FRMD4A: variants seen among roughly 807,000 people sequenced by gnomAD.
FRMD4A encodes FERM domain-containing protein 4A.
In FRMD4A, 29 loss-of-function variants were observed where a neutral mutation model predicts 129.1. The observed-to-expected ratio is 0.22, with a 90% CI of 0.17 to 0.31. The LOEUF is 0.31. Among genes scored for constraint, FRMD4A ranks in the 10% least tolerant of loss-of-function variants. The pLI, the probability that FRMD4A is intolerant of heterozygous loss-of-function variation, is 1.00. For missense variants in FRMD4A, 1,272 were observed against 1,375.8 expected (o/e 0.92, Z 1.19); for synonymous variants, 634 against 571.6 (o/e 1.11, Z -1.56).
intron 2 of FRMD4A, among the ~76,000 whole-genome samples, chr10:13,944,508 G>A (rs934689583): frequency 6.6e-6 from 1 of 152,040 alleles, no homozygotes; most frequent in African/African-American, 2.4e-5. Context: ...TAAATGTAAT[G>A]TGCTTAAATC....
chr10:14,095,352 T>G (rs989185519), intron 2 of FRMD4A, among the ~76,000 whole-genome samples: 4 of 152,208 alleles, frequency 2.6e-5, no homozygotes, highest in Non-Finnish European at 1.5e-5. Context: ...GCCATCACTT[T>G]CATGCTCAGA....
intron 2 of FRMD4A, among the ~76,000 whole-genome samples, chr10:14,189,230 A>T (rs61836076): frequency 0.25 from 38,600 of 152,046 alleles, 5,091 homozygotes; most frequent in Admixed American, 0.31. Context: ...AAATCCCAAT[A>T]GCAAAATGCC....
intron 2 of FRMD4A, among the ~76,000 whole-genome samples, chr10:14,014,545 C>T (rs1261863767): frequency 6.6e-6 from 1 of 152,174 alleles, no homozygotes; most frequent in Non-Finnish European, 1.5e-5. Context: ...CATGTCACGT[C>T]TCATTAGAGG....
intron 12 of FRMD4A, chr10:13,707,983 G>T: frequency 1.5e-6 from 1 of 682,626 alleles, no homozygotes; most frequent in Non-Finnish European, 1.8e-6. Flanking sequence ...GAAAAAGAAA[G>T]TTACTTTAAC....
At chr10:14,258,277 G>A (rs1431157144) in intron 2 of FRMD4A, among the ~76,000 whole-genome samples, 1 of 150,318 alleles carries the variant, frequency 6.7e-6, no homozygotes, top group African/African-American at 2.4e-5. Flanking sequence ...TCACAGACTG[G>A]GAGAAAATAT....
chr10:13,875,223 G>A (rs2094476695), intron 2 of FRMD4A, among the ~76,000 whole-genome samples: 1 of 152,224 alleles, frequency 6.6e-6, no homozygotes, highest in African/African-American at 2.4e-5. Flanking sequence ...AATCGTCTGA[G>A]TGAGGATGGC....
intron 2 of FRMD4A, among the ~76,000 whole-genome samples, chr10:13,914,054 T>G (rs2094972875): frequency 6.6e-6 from 1 of 152,076 alleles, no homozygotes; most frequent in Non-Finnish European, 1.5e-5. Context: ...GCAGCTGAGG[T>G]CAAAGCCCTG....
At chr10:13,683,730 T>G (rs1393434004) in intron 15 of FRMD4A, among the ~76,000 whole-genome samples, 18 of 151,860 alleles carry the variant, frequency 1.2e-4, no homozygotes, top group Admixed American at 1.0e-3. Flanking sequence ...TTTTTCTTTT[T>G]GAGACGGAGT....
chr10:13,891,653 G>A lies in FRMD4A; in HGVS notation c.46-32741C>T, dbSNP rs1388528098. The A allele has an allele frequency of 1.2e-5, 12 of 985,156 alleles. No homozygotes were observed. The South Asian group carries it at 5.2e-4, about 42-fold the overall frequency. 61.0% of individuals were successfully genotyped at this position (985,156 alleles called of 1,614,324 possible). A position where few individuals can be genotyped will look rare whatever the true frequency, so the allele number is the denominator to read the frequency against. ...TATTTTTTGCGCTTCCAAGGGATCC[G>A]AGGAACTTCTGGCTGCAAGCGGCTG... On this transcript the variant is annotated intron_variant, in intron 2 of 24. Transcript: ENST00000357447.
At chr10:13,715,816 G>A (rs2088726719) in intron 12 of FRMD4A, among the ~76,000 whole-genome samples, 1 of 149,814 alleles carries the variant, frequency 6.7e-6, no homozygotes, top group South Asian at 2.1e-4. Flanking sequence ...TGAGGAAGCA[G>A]AATTGCTTGA....
chr10:14,257,954 A>G lies in FRMD4A; in HGVS notation c.45+72104T>C, dbSNP rs146628446. Among the ~76,000 whole-genome samples, 346 of 152,340 alleles carry G rather than the reference A, an allele frequency of 2.3e-3. 1 individual carries two copies. The highest frequency in any genetic ancestry group is 3.2e-3 in the Non-Finnish European group (216 of 68,026). On this transcript the variant is annotated intron_variant, in intron 2 of 24. Transcript: ENST00000357447. ...AAAACTAATACAAGGTGCAATGGAGAAAGGAAATCTTTTTTATATATGCTG... is the reference window on the plus strand; with the variant it reads ...AAAACTAATACAAGGTGCAATGGAGGAAGGAAATCTTTTTTATATATGCTG...
intron 2 of FRMD4A, among the ~76,000 whole-genome samples, chr10:13,996,372 C>T (rs2095622509): frequency 6.6e-6 from 1 of 152,240 alleles, no homozygotes; most frequent in Non-Finnish European, 1.5e-5. Flanking sequence ...GCAAGGCTGT[C>T]ACTGCCCCTG....
intron 2 of FRMD4A, among the ~76,000 whole-genome samples, chr10:14,021,384 T>TA (rs5783378): frequency 3.4e-4 from 49 of 143,990 alleles, no homozygotes; most frequent in South Asian, 1.3e-3. Context: ...TCCACAAAAA[T>TA]AAAAAAAAAA....
intron 2 of FRMD4A, among the ~76,000 whole-genome samples, chr10:14,167,536 C>T (rs1050930920): frequency 3.5e-5 from 2 of 57,514 alleles, no homozygotes; most frequent in Non-Finnish European, 6.1e-5. Context: ...GACTCCGTCT[C>T]TCAAAAAAAA....
At chr10:13,661,559 T>G (rs538603287) in intron 19 of FRMD4A, among the ~76,000 whole-genome samples, 2 of 152,246 alleles carry the variant, frequency 1.3e-5, no homozygotes, top group African/African-American at 4.8e-5. Flanking sequence ...GAGTTGAGAT[T>G]TTGAAAAGCC....
chr10:14,049,583 T>G (rs1431535102), intron 2 of FRMD4A, among the ~76,000 whole-genome samples: 1 of 152,226 alleles, frequency 6.6e-6, no homozygotes, highest in East Asian at 1.9e-4. Flanking sequence ...GCAGTTGGAT[T>G]TTATCCGTTT....
At chr10:13,987,588 G>A (rs944267530) in intron 2 of FRMD4A, among the ~76,000 whole-genome samples, 1 of 152,168 alleles carries the variant, frequency 6.6e-6, no homozygotes, top group Non-Finnish European at 1.5e-5. Context: ...CTGGATGGGA[G>A]ACTAGAATAT....
chr10:14,032,257 A>G (rs540974641), intron 2 of FRMD4A, among the ~76,000 whole-genome samples: 1 of 152,264 alleles, frequency 6.6e-6, no homozygotes, highest in African/African-American at 2.4e-5. Context: ...CAAATAACAT[A>G]TATTACAATA....
At chr10:14,234,225 A>AAG (rs1491176757) in intron 2 of FRMD4A, among the ~76,000 whole-genome samples, 1 of 780 alleles carries the variant, frequency 1.3e-3, no homozygotes, top group East Asian at 0.5. Flanking sequence ...GAAGAAGAAG[A>AAG]AAAAAAAAAA....
Sources: allele counts gnomAD v4.1 joint callset (sites outside exome capture counted in the v4.1 genomes callset), GRCh38; gene constraint gnomAD v4.1.1; transcripts MANE v1.5; gene names NCBI Gene and HGNC (gene_info 2026-07-23, HGNC 2026-07-21).